Variants in NFASC observed in about 807,000 individuals in gnomAD.
NFASC encodes the protein neurofascin homolog.
A neutral mutation model predicts 147.5 loss-of-function variants in NFASC; 43 were observed. The ratio of observed to expected loss-of-function variants is 0.29; its 90% CI spans 0.23 to 0.38. NFASC has a LOEUF of 0.38. NFASC is among the 10% of genes least tolerant of loss of function. The pLI, the probability that NFASC is intolerant of heterozygous loss-of-function variation, is 1.00. For missense variants in NFASC, 1,320 were observed against 1,689.0 expected (o/e 0.78, Z 3.83); for synonymous variants, 622 against 665.5 (o/e 0.93, Z 1.01).
chr1:204,994,639 G>C (rs1285960978), intron 24 of NFASC, among the ~76,000 whole-genome samples: 3 of 152,122 alleles, frequency 2.0e-5, no homozygotes, highest in African/African-American at 7.2e-5. Flanking sequence ...AGGTTAAAAG[G>C]GAGTGTTTGC....
At chr1:205,007,829 A>G (rs1181664592) in intron 27 of NFASC, among the ~76,000 whole-genome samples, 2 of 152,118 alleles carry the variant, frequency 1.3e-5, no homozygotes, top group African/African-American at 4.8e-5. Flanking sequence ...AGGTCAGGAT[A>G]AGGAATGGAG....
rs775218681 is a variant in NFASC, at chr1:204,984,121, G to A, written c.2470+2101G>A. 5 of 1,613,716 alleles carry A rather than the reference G, an allele frequency of 3.1e-6. No homozygotes were observed. In the Admixed American group the frequency reaches 8.3e-5, roughly 27 times the overall value. On this transcript the variant is annotated intron_variant, in intron 21 of 29. Coordinates refer to ENST00000339876, the MANE Select transcript of NFASC (RefSeq NM_001005388.3). ...ACCGCGTCTACTCCGACACGGTCCAGGGCCAGCTCAGAGAGTACCGAGTGA... is the reference window on the plus strand; with the variant it reads ...ACCGCGTCTACTCCGACACGGTCCAAGGCCAGCTCAGAGAGTACCGAGTGA...
intron 25 of NFASC, 33 bp from the exon 26 acceptor site, chr1:205,001,137 C>A: frequency 7.6e-7 from 1 of 1,316,580 alleles, no homozygotes; most frequent in Non-Finnish European, 1.1e-6. Context: ...ACTCCCTCCT[C>A]ATCACTAACC....
intron 27 of NFASC, among the ~76,000 whole-genome samples, chr1:205,006,948 A>T (rs1302198075): frequency 7.4e-6 from 1 of 135,568 alleles, no homozygotes; most frequent in East Asian, 2.0e-4. Flanking sequence ...ACTGGTGCTG[A>T]TGAGAGTTAA....
At chr1:204,934,673 C>T (rs1267337581) in intron 2 of NFASC, among the ~76,000 whole-genome samples, 3 of 152,204 alleles carry the variant, frequency 2.0e-5, no homozygotes, top group Non-Finnish European at 4.4e-5. Flanking sequence ...AGAGGGGAAA[C>T]TCCTCTTTCC....
At position 204,974,793 on chromosome 1, in the gene NFASC, G is replaced by A; in HGVS notation, c.1528G>A (p.Ala510Thr). ...TCVATNILGK[A>T]ENQVRLEVKD... ...TGTCGCCACCAACATCCTGGGCAAAGCTGAAAACCAAGTCCGCCTGGAGGT... is the reference window on the plus strand; with the variant it reads ...TGTCGCCACCAACATCCTGGGCAAAACTGAAAACCAAGTCCGCCTGGAGGT... The change falls in exon 14 of 30, where the codon GCT becomes ACT. Residue 510 changes from alanine (A) to threonine (T), a missense_variant. Ala to Thr is a moderately conservative substitution (Grantham distance 58). Transcript: ENST00000339876. 1.9e-6 allele frequency: 3 copies of A among 1,614,228 alleles called. No individual in the cohort carries two copies. Among genetic ancestry groups the A allele is most frequent in the Non-Finnish European group, 2.5e-6 (3 of 1,180,032 alleles).
intron 25 of NFASC, chr1:204,997,837 G>A: frequency 8.1e-6 from 2 of 245,860 alleles, no homozygotes; most frequent in South Asian, 1.0e-4. Context: ...CAGCTGGCCT[G>A]AGGGAGTTTC....
At chr1:204,890,248 T>C (rs1357448845) in intron 1 of NFASC, among the ~76,000 whole-genome samples, 1 of 152,194 alleles carries the variant, frequency 6.6e-6, no homozygotes, top group Non-Finnish European at 1.5e-5. Context: ...CAGGTTGTGT[T>C]GGCTGCACAT....
chr1:204,831,667 G>A (rs148741576), intron 1 of NFASC, among the ~76,000 whole-genome samples: 1 of 152,112 alleles, frequency 6.6e-6, no homozygotes, highest in African/African-American at 2.4e-5. Context: ...TCAGAGAGGG[G>A]GAAGCAGAAA....
At chr1:204,946,684 G>A (rs778978297) in intron 3 of NFASC, 7 of 517,340 alleles carry the variant, frequency 1.4e-5, no homozygotes, top group East Asian at 5.5e-5. Flanking sequence ...GGTCATGTAC[G>A]GCGAGGGCAT....
chr1:205,012,231 G>A lies in NFASC; in HGVS notation c.3422-566G>A, dbSNP rs539347996. 8.5e-5 allele frequency among the ~76,000 whole-genome samples: 13 copies of A among 152,324 alleles called. No homozygotes were observed. In the South Asian group the frequency reaches 2.7e-3, roughly 32 times the overall value. Reference sequence around the variant, plus strand: ...CGGCTGAATGCTCACACATCACAGAGGAAGTGGAGGAAAGGGGGCACGCCA... The same window carrying A: ...CGGCTGAATGCTCACACATCACAGAAGAAGTGGAGGAAAGGGGGCACGCCA... On this transcript the variant is annotated intron_variant, in intron 28 of 29. Transcript: ENST00000339876.
intron 1 of NFASC, among the ~76,000 whole-genome samples, chr1:204,841,541 G>C (rs984297890): frequency 6.6e-6 from 1 of 152,142 alleles, no homozygotes; most frequent in Non-Finnish European, 1.5e-5. Flanking sequence ...ACTGTTCAGT[G>C]CTCTTGAGGC....
intron 28 of NFASC, 169 bp from the exon 29 acceptor site, chr1:205,012,628 A>AT: frequency 1.6e-6 from 1 of 640,736 alleles, no homozygotes; most frequent in Non-Finnish European, 2.9e-6. Flanking sequence ...TTGGCAACTG[A>AT]TTGAGTACAG....
At chr1:204,977,098 C>T (rs2095422995) in intron 16 of NFASC, 2 of 1,204,984 alleles carry the variant, frequency 1.7e-6, no homozygotes, top group South Asian at 7.3e-5. Context: ...ACCTTTCTTA[C>T]AGCTAACTCC....
At chr1:204,896,890 C>A (rs574233181) in intron 1 of NFASC, among the ~76,000 whole-genome samples, 1 of 152,106 alleles carries the variant, frequency 6.6e-6, no homozygotes, top group Admixed American at 6.5e-5. Context: ...CTAGGCACTG[C>A]GCTAGGGGCT....
intron 8 of NFASC, among the ~76,000 whole-genome samples, chr1:204,963,688 C>T (rs535937283): frequency 3.1e-4 from 47 of 152,286 alleles, no homozygotes; most frequent in Admixed American, 5.2e-4. Flanking sequence ...CAGGGTAGGA[C>T]GGAGCTGACC....
At chr1:204,988,456 G>A (rs1037037662) in intron 22 of NFASC, among the ~76,000 whole-genome samples, 177 bp from the exon 23 acceptor site, 4 of 152,214 alleles carry the variant, frequency 2.6e-5, no homozygotes, top group Non-Finnish European at 2.9e-5. Flanking sequence ...CAAAGAGCCC[G>A]GAGGGAGTTC....
Position 205,016,834 on chromosome 1 carries a change from ACACTGT to A in NFASC, c.*297_*302del. On this transcript the variant is annotated 3_prime_UTR_variant, in exon 30 of 30. Transcript: ENST00000339876. This position sits in a 1 kb window ranked among gnomAD's most constrained non-coding sequence, Gnocchi z 5.1. ...TCGCAGCCACCCCGAGCGTTCCACCACACTGTCCGCCCTTGGCCTCGGCACACGCTC... is the reference window on the plus strand; with the variant it reads ...TCGCAGCCACCCCGAGCGTTCCACCACCGCCCTTGGCCTCGGCACACGCTC... 6 of 487,364 alleles carry A rather than the reference ACACTGT, an allele frequency of 1.2e-5. No individual in the cohort carries two copies. The highest frequency in any genetic ancestry group is 8.0e-5 in the East Asian group (2 of 24,962). 30.2% of individuals were successfully genotyped at this position (487,364 alleles called of 1,614,324 possible). A position where few individuals can be genotyped will look rare whatever the true frequency, so the allele number is the denominator to read the frequency against.
chr1:204,881,208 T>C (rs2080140205), intron 1 of NFASC, among the ~76,000 whole-genome samples: 1 of 152,150 alleles, frequency 6.6e-6, no homozygotes, highest in African/African-American at 2.4e-5. Context: ...CCCTAGGGAC[T>C]GGACCCCAGG....
Sources: allele counts gnomAD v4.1 joint callset (sites outside exome capture counted in the v4.1 genomes callset), GRCh38; gene constraint gnomAD v4.1.1; non-coding constraint Gnocchi (gnomAD v3.1); transcripts MANE v1.5; gene names NCBI Gene and HGNC (gene_info 2026-07-23, HGNC 2026-07-21).